The following NEK1 variants were observed in gnomAD, a reference collection of about 807,000 sequenced individuals.
NEK1 encodes serine/threonine-protein kinase Nek1.
NEK1 carries 137 observed loss-of-function variants against 182.1 expected under a neutral mutation model. The observed-to-expected ratio is 0.75, with a 90% CI of 0.65 to 0.87. The LOEUF (loss-of-function observed/expected upper bound fraction) is 0.87, where lower values mean the gene tolerates loss of function less well. NEK1 is among the 40% of genes least tolerant of loss of function. The pLI is 0.00. For synonymous variants in NEK1, 513 were observed against 492.2 expected, an observed-to-expected ratio of 1.04 and a Z score of -0.56; for missense variants, 1,391 against 1,494.4, an observed-to-expected ratio of 0.93 and a Z score of 1.14.
intron 5 of NEK1, among the ~76,000 whole-genome samples, chr4:169,597,016 G>A (rs902739669): frequency 6.6e-6 from 1 of 151,900 alleles, no homozygotes; most frequent in Non-Finnish European, 1.5e-5. Context: ...TGTACTAAGA[G>A]TACTTATCAA....
At chr4:169,572,860 A>G (rs568331090) in intron 12 of NEK1, among the ~76,000 whole-genome samples, 2 of 152,352 alleles carry the variant, frequency 1.3e-5, no homozygotes, top group South Asian at 2.1e-4. Context: ...CAGCTGTTTC[A>G]TAACAGCTGT....
chr4:169,587,443 G>C, intron 9 of NEK1, 116 bp downstream of exon 9: 1 of 585,138 alleles, frequency 1.7e-6, no homozygotes, highest in Non-Finnish European at 2.9e-6. Context: ...AATGGACTTA[G>C]AGGAGAATTT....
chr4:169,479,579 G>T (rs752435282), intron 23 of NEK1, 45 bp from the exon 24 acceptor site: 210 of 1,469,374 alleles, frequency 1.4e-4, no homozygotes, highest in Non-Finnish European at 1.9e-4. Context: ...TTTTATATTT[G>T]TATGAAGAAA....
chr4:169,609,660 A>G (rs1473272840), intron 2 of NEK1, among the ~76,000 whole-genome samples: 1 of 152,192 alleles, frequency 6.6e-6, no homozygotes, highest in Non-Finnish European at 1.5e-5. Context: ...AATAATATCT[A>G]TGGAGAGATA....
chr4:169,421,002 G>A (rs2111288191), intron 31 of NEK1, among the ~76,000 whole-genome samples: 1 of 152,250 alleles, frequency 6.6e-6, no homozygotes, highest in East Asian at 1.9e-4. Flanking sequence ...TTGGTTAAGA[G>A]CAGTAAAGAA....
intron 24 of NEK1, among the ~76,000 whole-genome samples, chr4:169,478,636 C>T (rs1389323737): frequency 6.6e-6 from 1 of 152,004 alleles, no homozygotes; most frequent in Non-Finnish European, 1.5e-5. Context: ...AGCTAGTGTA[C>T]CAATTTTGTC....
chr4:169,405,758 T>C (rs990932839), intron 32 of NEK1, among the ~76,000 whole-genome samples: 1 of 151,272 alleles, frequency 6.6e-6, no homozygotes, highest in African/African-American at 2.4e-5. Flanking sequence ...CTCAGCCTCC[T>C]GAGTAGCTGA....
intron 31 of NEK1, among the ~76,000 whole-genome samples, chr4:169,412,615 C>A (rs529614690): frequency 6.6e-6 from 1 of 152,120 alleles, no homozygotes; most frequent in Non-Finnish European, 1.5e-5. Context: ...TAAAAAGTCC[C>A]TAACTGATGA....
At chr4:169,504,675 A>G (rs1268297480) in intron 23 of NEK1, among the ~76,000 whole-genome samples, 1 of 152,216 alleles carries the variant, frequency 6.6e-6, no homozygotes, top group Non-Finnish European at 1.5e-5. Context: ...TGTGGAAACT[A>G]AAAGAATTAA....
chr4:169,394,755 A>G (rs1379742845), intron 35 of NEK1, among the ~76,000 whole-genome samples: 2 of 152,212 alleles, frequency 1.3e-5, no homozygotes, highest in East Asian at 3.8e-4. Context: ...ACTTTATATA[A>G]ATCCTCCCAC....
chr4:169,406,458 T>C lies in NEK1; in HGVS notation c.3374+138A>G. On this transcript the variant is annotated intron_variant, in intron 32 of 35. Transcript: ENST00000507142. ...CAGAGTGAGACCCTGTCTCTTAAAATAGATAAAAATAATATACAGAAGACA... is the reference window on the plus strand; with the variant it reads ...CAGAGTGAGACCCTGTCTCTTAAAACAGATAAAAATAATATACAGAAGACA... 4 of 537,246 alleles carry C rather than the reference T, an allele frequency of 7.4e-6. No homozygotes were observed. The East Asian group carries it at 1.0e-4, about 14-fold the overall frequency. 33.3% of individuals were successfully genotyped at this position (537,246 alleles called of 1,614,324 possible). A position where few individuals can be genotyped will look rare whatever the true frequency, so the allele number is the denominator to read the frequency against.
At chr4:169,495,398 C>A (rs886472785) in intron 23 of NEK1, among the ~76,000 whole-genome samples, 2 of 152,024 alleles carry the variant, frequency 1.3e-5, no homozygotes, top group African/African-American at 4.8e-5. Context: ...CGCGCGCCAC[C>A]ATGACCAGCT....
rs191947844 is a variant in NEK1 at position 169,449,198 on chromosome 4, G to A, written c.2588-10939C>T. Among the ~76,000 whole-genome samples the A allele has an allele frequency of 1.6e-4, 25 of 152,364 alleles. No homozygotes were observed. The East Asian group carries it at 4.8e-3, about 29-fold the overall frequency. On this transcript the variant is annotated intron_variant, in intron 27 of 35. Transcript: ENST00000507142. ...CCACCGCAGCTCAACAAGGCCTACC[G>A]CCTCAGTAGTCTCCACCTCTGTGGG... is the stretch of plus-strand genomic sequence containing the variant.
chr4:169,433,312 A>T (rs542084152), intron 29 of NEK1, among the ~76,000 whole-genome samples: 2 of 152,280 alleles, frequency 1.3e-5, no homozygotes, highest in South Asian at 4.1e-4. Context: ...TGCCCGCCTC[A>T]GTCTCCCAAA....
At chr4:169,414,555 G>T (rs1320893194) in intron 31 of NEK1, among the ~76,000 whole-genome samples, 3 of 152,128 alleles carry the variant, frequency 2.0e-5, no homozygotes, top group African/African-American at 4.8e-5. Flanking sequence ...GTCAAGGAGG[G>T]TTGACATATA....
Position 169,400,795 on chromosome 4 carries a change from A to G in NEK1, c.3584-144T>C, listed in dbSNP as rs187991826. On this transcript the variant is annotated intron_variant, in intron 33 of 35. Transcript: ENST00000507142. ...ATTATAAACAGTTTTTGTCATTTTA[A>G]TATTTGTCCTTTATTTGGCAAAAAA... The G allele has an allele frequency of 2.2e-5, 13 of 578,144 alleles. No individual in the cohort carries two copies. In the African/African-American group the frequency reaches 2.3e-4, roughly 10 times the overall value. 35.8% of individuals were successfully genotyped at this position (578,144 alleles called of 1,614,324 possible).
At chr4:169,435,647 T>C (rs73864617) in intron 28 of NEK1, among the ~76,000 whole-genome samples, 2,303 of 152,284 alleles carry the variant, frequency 0.015, 59 homozygotes, top group African/African-American at 0.05. Flanking sequence ...TGGGAACTTC[T>C]ATTTGATATC....
intron 19 of NEK1, among the ~76,000 whole-genome samples, chr4:169,514,613 T>C (rs920969887): frequency 1.3e-5 from 2 of 152,238 alleles, no homozygotes; most frequent in Admixed American, 6.5e-5. Flanking sequence ...ACGAATTTTA[T>C]AGGATTGGTT....
chr4:169,544,315 G>A (rs917521239), intron 18 of NEK1, among the ~76,000 whole-genome samples: 1 of 152,168 alleles, frequency 6.6e-6, no homozygotes, highest in Non-Finnish European at 1.5e-5. Flanking sequence ...CAGGGATGAA[G>A]CCAACTTGAT....
Sources: allele counts gnomAD v4.1 joint callset (sites outside exome capture counted in the v4.1 genomes callset), GRCh38; gene constraint gnomAD v4.1.1; transcripts MANE v1.5; gene names NCBI Gene and HGNC (gene_info 2026-07-23, HGNC 2026-07-21).